The following OR2T12 variants were observed in gnomAD, a reference collection of about 807,000 sequenced individuals.
OR2T12 encodes olfactory receptor 2T12.
For synonymous variants in OR2T12, 127 were observed against 160.5 expected, an observed-to-expected ratio of 0.79 and a Z score of 1.58; for missense variants, 335 against 404.3, an observed-to-expected ratio of 0.83 and a Z score of 1.47.
chr1:248,291,966 A>G lies in OR2T12; in HGVS notation c.*2650T>C, dbSNP rs193009285. 1 of 152,178 alleles carries G rather than the reference A, an allele frequency of 6.6e-6. No homozygotes were observed. Among genetic ancestry groups the G allele is most frequent in the Non-Finnish European group, 1.5e-5 (1 of 68,032 alleles). 9.4% of individuals were successfully genotyped at this position (152,178 alleles called of 1,614,324 possible). A position where few individuals can be genotyped will look rare whatever the true frequency, so the allele number is the denominator to read the frequency against. On this transcript the variant is annotated 3_prime_UTR_variant, in exon 3 of 3. Transcript: ENST00000641276. ...AGACTTAAACATAAAACATAAAACC[A>G]TAAAAACCCTAGAAGAAAACCTAGG...
At chr1:248,302,519 T>A (rs1327824901) in intron 1 of OR2T12, among the ~76,000 whole-genome samples, 1 of 152,176 alleles carries the variant, frequency 6.6e-6, no homozygotes, top group Non-Finnish European at 1.5e-5. Context: ...TTTTACAAAA[T>A]GTATATCCAA....
At chr1:248,300,296 C>T (rs562041521) in intron 2 of OR2T12, among the ~76,000 whole-genome samples, 7 of 152,158 alleles carry the variant, frequency 4.6e-5, no homozygotes, top group South Asian at 2.1e-4. Flanking sequence ...TTTGTGTCTT[C>T]GATCACATGA....
Position 248,294,665 on chromosome 1 carries a change from G to T in OR2T12, c.914C>A (p.Thr305Lys), listed in dbSNP as rs375506459. 6.2e-7 allele frequency: 1 copy of T among 1,614,012 alleles called. No individual in the cohort carries two copies. Among genetic ancestry groups the T allele is most frequent in the Non-Finnish European group, 8.5e-7 (1 of 1,180,024 alleles). The change falls in exon 3 of 3, where the codon ACG becomes AAG. Residue 305 changes from threonine (T) to lysine (K), a missense_variant. Transcript: ENST00000641276. ...VKEALKRWLG[T>K]CVNLKHQQNE... ...TTGCTGGTGTTTTAGGTTTACACACGTCCCCAGCCACCGTTTCAGGGCTTC... is the reference window on the plus strand; with the variant it reads ...TTGCTGGTGTTTTAGGTTTACACACTTCCCCAGCCACCGTTTCAGGGCTTC...
rs1659601229 is a variant in OR2T12, at chr1:248,290,143, C to T, written c.*4473G>A. On this transcript the variant is annotated 3_prime_UTR_variant, in exon 3 of 3. Transcript: ENST00000641276. Reference sequence around the variant, plus strand: ...AAAAGGTCCCAATGTGTGATGTTTCCCTCCCTGTGTCCATGTATTCTCATT... The same window carrying T: ...AAAAGGTCCCAATGTGTGATGTTTCTCTCCCTGTGTCCATGTATTCTCATT... The T allele has an allele frequency of 6.6e-6, 1 of 151,722 alleles. No individual in the cohort carries two copies. Among genetic ancestry groups the T allele is most frequent in the African/African-American group, 2.4e-5 (1 of 41,262 alleles). The allele number at this position is 151,722 out of a possible 1,614,324, so 9.4% of individuals were successfully genotyped here.
chr1:248,301,188 T>C (rs1352280565), intron 2 of OR2T12, among the ~76,000 whole-genome samples, 185 bp downstream of exon 2: 1 of 152,120 alleles, frequency 6.6e-6, no homozygotes, highest in Non-Finnish European at 1.5e-5. Context: ...ATATCACAAA[T>C]TTATAACAGT....
At position 248,295,427 on chromosome 1, in the gene OR2T12, T is replaced by C. The variant is rs148858550; in HGVS notation, c.152A>G (p.His51Arg). 329 of 1,589,708 alleles carry C rather than the reference T, an allele frequency of 2.1e-4. 11 individuals carry two copies. In the African/African-American group the frequency reaches 4.0e-3, roughly 19 times the overall value. ...ALMILLIHWD[H>R]RLHRPMYFLL... ...GAAGTACATGGGCCTGTGGAGCCGG[T>C]GGTCCCAGTGAATCAGGAGAATCAT... is the stretch of plus-strand genomic sequence containing the variant. The change falls in exon 3 of 3, where the codon CAC becomes CGC. Residue 51 changes from histidine to arginine, a missense_variant. Coordinates refer to ENST00000641276, the MANE Select transcript of OR2T12 (RefSeq NM_001004692.2).
rs538865009 is a variant in OR2T12, at chr1:248,297,908, A to G, written c.-8-2322T>C. Among the ~76,000 whole-genome samples, 137 of 150,104 alleles carry G rather than the reference A, an allele frequency of 9.1e-4. 3 individuals carry two copies. Among genetic ancestry groups the G allele is most frequent in the Admixed American group, 3.1e-3 (47 of 15,084 alleles). ...CTATGTTGAATAGGAGTGGTGAGAG[A>G]GGGCATCCCTGTCTTGTGCCAGTTT... is the stretch of plus-strand genomic sequence containing the variant. On this transcript the variant is annotated intron_variant, in intron 2 of 2. Transcript: ENST00000641276.
In OR2T12 at chr1:248,294,031, T is replaced by A. The variant is rs1659673958; in HGVS notation, c.*585A>T. On this transcript the variant is annotated 3_prime_UTR_variant, in exon 3 of 3. Coordinates refer to ENST00000641276, the MANE Select transcript of OR2T12 (RefSeq NM_001004692.2). ...AATATAACTTAAAAATAATGTTATTTGTCTTTGGTGGAGTCCTCATATTTA... is the reference window on the plus strand; with the variant it reads ...AATATAACTTAAAAATAATGTTATTAGTCTTTGGTGGAGTCCTCATATTTA... The A allele has an allele frequency of 6.6e-6, 1 of 152,202 alleles. No individual in the cohort carries two copies. The highest frequency in any genetic ancestry group is 1.5e-5 in the Non-Finnish European group (1 of 68,044). 9.4% of individuals were successfully genotyped at this position (152,202 alleles called of 1,614,324 possible).
chr1:248,298,809 G>T (rs1011665864), intron 2 of OR2T12, among the ~76,000 whole-genome samples: 6 of 151,324 alleles, frequency 4.0e-5, no homozygotes, highest in African/African-American at 1.5e-4. Context: ...CCAGCTCCTG[G>T]ATTCATTAAT....
chr1:248,295,643 T>C, intron 2 of OR2T12, 57 bp from the exon 3 acceptor site: 1 of 1,528,930 alleles, frequency 6.5e-7, no homozygotes, highest in Non-Finnish European at 8.8e-7. Flanking sequence ...ATGGTCTGAA[T>C]AACTGTTTGA....
rs1411785765 is a variant in OR2T12, at chr1:248,296,505, C to A, written c.-8-919G>T. ...AAGTGTTCCTATTTCTCCACATCCT[C>A]TCCAGCACCTGTTGTTTCCTGACTT... On this transcript the variant is annotated intron_variant, in intron 2 of 2. Coordinates refer to ENST00000641276, the MANE Select transcript of OR2T12 (RefSeq NM_001004692.2). Among the ~76,000 whole-genome samples the A allele has an allele frequency of 4.6e-5, 7 of 152,302 alleles. No homozygotes were observed. In the East Asian group the frequency reaches 1.2e-3, roughly 25 times the overall value.
At chr1:248,300,209 C>A (rs1659795835) in intron 2 of OR2T12, among the ~76,000 whole-genome samples, 1 of 152,104 alleles carries the variant, frequency 6.6e-6, no homozygotes, top group Non-Finnish European at 1.5e-5. Context: ...CATCAGAAGT[C>A]TTTTACAGAT....
chr1:248,302,524 A>G lies in OR2T12; in HGVS notation c.-190+822T>C, dbSNP rs572142633. ...TTTTAAAGCATTTTACAAAATGTAT[A>G]TCCAACATATTTGTTGTAAATAAAC... On this transcript the variant is annotated intron_variant, in intron 1 of 2. Transcript: ENST00000641276. Among the ~76,000 whole-genome samples the G allele has an allele frequency of 2.0e-5, 3 of 152,284 alleles. No homozygotes were observed. The South Asian group carries it at 6.2e-4, about 32-fold the overall frequency.
intron 2 of OR2T12, 89 bp from the exon 3 acceptor site, chr1:248,295,675 G>A (rs1415605638): frequency 2.0e-6 from 3 of 1,473,100 alleles, no homozygotes; most frequent in Non-Finnish European, 2.7e-6. Flanking sequence ...CTGGACATAT[G>A]TACTGGATAT....
chr1:248,292,552 A>G lies in OR2T12; in HGVS notation c.*2064T>C, dbSNP rs1159351217. 2 of 152,136 alleles carry G rather than the reference A, an allele frequency of 1.3e-5. No individual in the cohort carries two copies. Among genetic ancestry groups the G allele is most frequent in the Non-Finnish European group, 2.9e-5 (2 of 67,980 alleles). The allele number at this position is 152,136 out of a possible 1,614,324, so 9.4% of individuals were successfully genotyped here. ...AAACCTTTATTAAGAAAATAAGAGT[A>G]GAAACATCTGCAAGTTACAAAAGCA... is the stretch of plus-strand genomic sequence containing the variant. On this transcript the variant is annotated 3_prime_UTR_variant, in exon 3 of 3. Coordinates refer to ENST00000641276, the MANE Select transcript of OR2T12 (RefSeq NM_001004692.2).
At position 248,294,957 on chromosome 1, in the gene OR2T12, G is replaced by C. The variant is rs2103037553; in HGVS notation, c.622C>G (p.Pro208Ala). The change falls in exon 3 of 3, where the codon CCC (proline) becomes GCC (alanine). Residue 208 changes from proline to alanine, a missense_variant. By Grantham distance (27) the Pro-to-Ala change is conservative. Coordinates refer to ENST00000641276, the MANE Select transcript of OR2T12 (RefSeq NM_001004692.2). The stretch of plus-strand genomic sequence containing the variant: ...TAGGAGGACAGGATGAGGGAAAAGG[G>C]GACCAGGAGCATTAACACACAGCAG... ...YICCVLMLLV[P>A]FSLILSSYGL... 2 of 1,611,672 alleles carry C rather than the reference G, an allele frequency of 1.2e-6. No individual in the cohort carries two copies. Among genetic ancestry groups the C allele is most frequent in the East Asian group, 4.5e-5 (2 of 44,868 alleles).
At position 248,292,283 on chromosome 1, in the gene OR2T12, T is replaced by C. The variant is rs1358804745; in HGVS notation, c.*2333A>G. ...CTCATCTTGATTCTGTGTTACTGGG[T>C]GCTAGAGCTTCATATGTTCGAAGTA... On this transcript the variant is annotated 3_prime_UTR_variant, in exon 3 of 3. Transcript: ENST00000641276. 2 of 152,132 alleles carry C rather than the reference T, an allele frequency of 1.3e-5. No homozygotes were observed. The highest frequency in any genetic ancestry group is 1.9e-4 in the East Asian group (1 of 5,200). The allele number at this position is 152,132 out of a possible 1,614,324, so 9.4% of individuals were successfully genotyped here. A position where few individuals can be genotyped will look rare whatever the true frequency, so the allele number is the denominator to read the frequency against.
intron 2 of OR2T12, among the ~76,000 whole-genome samples, chr1:248,297,887 G>T (rs1299280763): frequency 1.3e-5 from 2 of 150,132 alleles, no homozygotes; most frequent in African/African-American, 5.0e-5. Context: ...CCAACACTAT[G>T]TTGAATAGGA....
Position 248,294,434 on chromosome 1 carries a change from G to T in OR2T12, c.*182C>A. 1 of 727,760 alleles carries T rather than the reference G, an allele frequency of 1.4e-6. No individual in the cohort carries two copies. 45.1% of individuals were successfully genotyped at this position (727,760 alleles called of 1,614,324 possible). On this transcript the variant is annotated 3_prime_UTR_variant, in exon 3 of 3. Transcript: ENST00000641276. Reference sequence around the variant, plus strand: ...ATCTATAGGTATTACTTCACTTGAAGAAAAGTACATAAATGCTCAAAAATG... The same window carrying T: ...ATCTATAGGTATTACTTCACTTGAATAAAAGTACATAAATGCTCAAAAATG...
Sources: gnomAD v4.1 joint callset for allele counts (sites outside exome capture counted in the v4.1 genomes callset) on GRCh38, gnomAD v4.1.1 for gene constraint, MANE v1.5 for transcripts, NCBI Gene and HGNC (gene_info 2026-07-23, HGNC 2026-07-21) for gene names.